MACROD2: variants seen among roughly 807,000 people sequenced by gnomAD.
The protein encoded by MACROD2 is mono-ADP ribosylhydrolase 2.
A neutral mutation model predicts 70.4 loss-of-function variants in MACROD2; 36 were observed. That is an observed-to-expected ratio of 0.51 (90% CI 0.39 to 0.68). MACROD2 has a LOEUF of 0.68. Among genes scored for constraint, MACROD2 ranks in the 30% least tolerant of loss-of-function variants. MACROD2 has a pLI of 0.00. For synonymous variants in MACROD2, 172 were observed against 178.8 expected, an observed-to-expected ratio of 0.96 and a Z score of 0.30; for missense variants, 496 against 538.4, an observed-to-expected ratio of 0.92 and a Z score of 0.78.
intron 5 of MACROD2, among the ~76,000 whole-genome samples, chr20:15,219,352 C>T (rs2145962190): frequency 6.6e-6 from 1 of 152,182 alleles, no homozygotes; most frequent in East Asian, 1.9e-4. Context: ...TCTACTGGGC[C>T]CAGCAATGTA....
intron 8 of MACROD2, among the ~76,000 whole-genome samples, chr20:15,633,867 T>A (rs1257106179): frequency 6.6e-6 from 1 of 152,224 alleles, no homozygotes; most frequent in Non-Finnish European, 1.5e-5. Context: ...ATGAATCTAT[T>A]GTAAGAAAAA....
intron 5 of MACROD2, among the ~76,000 whole-genome samples, chr20:15,022,306 T>G (rs1407625839): frequency 6.6e-6 from 1 of 152,202 alleles, no homozygotes; most frequent in Non-Finnish European, 1.5e-5. Context: ...CAACTGCACT[T>G]TAAATACCAA....
intron 5 of MACROD2, among the ~76,000 whole-genome samples, chr20:14,879,311 A>G (rs1404099868): frequency 6.6e-6 from 1 of 151,864 alleles, no homozygotes; most frequent in Non-Finnish European, 1.5e-5. Context: ...TGTATACCTA[A>G]ATTCTTTGGG....
rs533794492 is a variant in MACROD2 at position 15,425,158 on chromosome 20, T to A, written c.541-6247T>A. Among the ~76,000 whole-genome samples the A allele has an allele frequency of 2.6e-5, 4 of 152,324 alleles. No homozygotes were observed. In the East Asian group the frequency reaches 7.7e-4, roughly 29 times the overall value. On this transcript the variant is annotated intron_variant, in intron 6 of 17. Coordinates refer to ENST00000684519, the MANE Select transcript of MACROD2 (RefSeq NM_001351661.2). ...ATTCTTGAGGGTATGAGGATAAAAC[T>A]GTGGAAAACTCCTATCTATGACTCT... is the stretch of plus-strand genomic sequence containing the variant.
intron 5 of MACROD2, among the ~76,000 whole-genome samples, chr20:14,963,114 A>T (rs549688630): frequency 6.6e-6 from 1 of 152,284 alleles, no homozygotes; most frequent in East Asian, 1.9e-4. Context: ...CACCAAGTAG[A>T]ATTAGCTCAG....
At chr20:15,781,331 G>A (rs1475667152) in intron 8 of MACROD2, among the ~76,000 whole-genome samples, 5 of 152,176 alleles carry the variant, frequency 3.3e-5, no homozygotes, top group Non-Finnish European at 7.3e-5. Flanking sequence ...TTTTAACAAT[G>A]GTTTCAGTGG....
chr20:14,354,943 G>A (rs373042374), intron 3 of MACROD2, among the ~76,000 whole-genome samples: 1 of 152,168 alleles, frequency 6.6e-6, no homozygotes, highest in African/African-American at 2.4e-5. Context: ...GGCTGCATCT[G>A]TGTTGCTGCA....
rs140928315 is a variant in MACROD2, at chr20:15,487,494, T to G, written c.572-12280T>G. On this transcript the variant is annotated intron_variant, in intron 7 of 17. Transcript: ENST00000684519. ...TTATGTATTATTTTTAATCATAATC[T>G]TAGTCCTTCAAATTCTTTTCATCTC... is the stretch of plus-strand genomic sequence containing the variant. Among the ~76,000 whole-genome samples, 896 of 152,328 alleles carry G rather than the reference T, an allele frequency of 5.9e-3. 11 individuals are homozygous for G. Among genetic ancestry groups the G allele is most frequent in the African/African-American group, 0.021 (856 of 41,568 alleles).
chr20:14,816,482 A>C (rs990293623), intron 5 of MACROD2, among the ~76,000 whole-genome samples: 1 of 152,068 alleles, frequency 6.6e-6, no homozygotes, highest in Non-Finnish European at 1.5e-5. Flanking sequence ...TTAGAAGCTT[A>C]TGTACTCCTT....
At chr20:14,622,949 T>C (rs1285853250) in intron 4 of MACROD2, 2 of 152,242 alleles carry the variant, frequency 1.3e-5, no homozygotes, top group African/African-American at 4.8e-5. Context: ...TGTTGTCTGC[T>C]GATGACTCAC....
chr20:15,448,238 G>T (rs1057242795), intron 7 of MACROD2, among the ~76,000 whole-genome samples: 7 of 152,054 alleles, frequency 4.6e-5, no homozygotes, highest in Non-Finnish European at 1.0e-4. Flanking sequence ...GTCTTACCTT[G>T]TGCCTGACTC....
chr20:14,478,716 C>G (rs1378665263), intron 3 of MACROD2, among the ~76,000 whole-genome samples: 1 of 152,114 alleles, frequency 6.6e-6, no homozygotes, highest in Non-Finnish European at 1.5e-5. Context: ...TTAGGAGACT[C>G]TGGGTCCTAT....
intron 12 of MACROD2, among the ~76,000 whole-genome samples, chr20:15,951,339 A>T (rs1314939446): frequency 6.6e-6 from 1 of 151,562 alleles, no homozygotes; most frequent in Non-Finnish European, 1.5e-5. Flanking sequence ...ACACACACAC[A>T]CACACACACA....
chr20:14,425,350 C>A (rs1338389914), intron 3 of MACROD2, among the ~76,000 whole-genome samples: 1 of 152,148 alleles, frequency 6.6e-6, no homozygotes. Context: ...CACCCTCCAG[C>A]TTTCTTACAT....
At chr20:14,758,110 A>G (rs2071966628) in intron 5 of MACROD2, 1 of 338,736 alleles carries the variant, frequency 3.0e-6, no homozygotes, top group Non-Finnish European at 5.4e-6. Flanking sequence ...AAAGCTTAAA[A>G]AAAAAAAAGA....
At chr20:14,112,600 A>T (rs1348471055) in intron 3 of MACROD2, among the ~76,000 whole-genome samples, 1 of 152,000 alleles carries the variant, frequency 6.6e-6, no homozygotes, top group Non-Finnish European at 1.5e-5. Flanking sequence ...TATACAGGTC[A>T]ACTTAATTTC....
At chr20:15,879,938 GA>G (rs1029840775) in intron 9 of MACROD2, among the ~76,000 whole-genome samples, 57 of 151,992 alleles carry the variant, frequency 3.8e-4, no homozygotes, top group African/African-American at 1.3e-3. Context: ...CTGAAGGCAG[GA>G]AAAAAACCCC....
At chr20:14,786,478 G>C (rs958256072) in intron 5 of MACROD2, among the ~76,000 whole-genome samples, 9 of 151,666 alleles carry the variant, frequency 5.9e-5, no homozygotes, top group Admixed American at 5.3e-4. Context: ...GCTGGCCAAA[G>C]TTGTCTCTTT....
intron 3 of MACROD2, among the ~76,000 whole-genome samples, chr20:14,174,894 C>T (rs756954507): frequency 3.9e-5 from 6 of 152,282 alleles, no homozygotes; most frequent in Middle Eastern, 6.8e-3. Flanking sequence ...ACTCAGTTCT[C>T]TAAATTTGTC....
Sources: allele counts gnomAD v4.1 joint callset (sites outside exome capture counted in the v4.1 genomes callset), GRCh38; gene constraint gnomAD v4.1.1; transcripts MANE v1.5; gene names NCBI Gene and HGNC (gene_info 2026-07-23, HGNC 2026-07-21).